The following HTR1F variants were observed in gnomAD, a reference collection of about 807,000 sequenced individuals.
HTR1F encodes the protein 5-hydroxytryptamine (serotonin) receptor 1F, G protein-coupled.
HTR1F carries 17 observed loss-of-function variants against 24.0 expected under a neutral mutation model. The ratio of observed to expected loss-of-function variants is 0.71; its 90% CI spans 0.48 to 1.06. The LOEUF is 1.06. Ranked by LOEUF, HTR1F falls within the 50% of genes least tolerant of loss-of-function variation. HTR1F has a pLI of 0.00. For missense variants in HTR1F, 391 were observed against 427.8 expected, an observed-to-expected ratio of 0.91 and a Z score of 0.76; for synonymous variants, 186 against 156.8, an observed-to-expected ratio of 1.19 and a Z score of -1.39.
intron 2 of HTR1F, among the ~76,000 whole-genome samples, chr3:87,978,716 G>A (rs1039737403): frequency 4.6e-5 from 7 of 151,416 alleles, no homozygotes; most frequent in African/African-American, 1.7e-4. Context: ...ATTTTTATAG[G>A]CTTCAGAAGG....
At chr3:87,864,897 A>AAAAAAAAAAG (rs1020731418) in intron 2 of HTR1F, among the ~76,000 whole-genome samples, 1 of 144,836 alleles carries the variant, frequency 6.9e-6, no homozygotes, top group African/African-American at 2.8e-5. Context: ...ATCTCAAAAA[A>AAAAAAAAAAG]AAAAAAAAAG....
At chr3:87,900,552 A>T (rs1706298332) in intron 2 of HTR1F, among the ~76,000 whole-genome samples, 1 of 152,188 alleles carries the variant, frequency 6.6e-6, no homozygotes, top group African/African-American at 2.4e-5. Context: ...GAAGGTGGTA[A>T]GGGTAGAAGC....
chr3:87,981,532 T>C (rs1705544534), intron 2 of HTR1F, among the ~76,000 whole-genome samples: 1 of 152,182 alleles, frequency 6.6e-6, no homozygotes, highest in South Asian at 2.1e-4. Context: ...TGGTAGTCTC[T>C]TAATTAATTG....
intron 2 of HTR1F, among the ~76,000 whole-genome samples, chr3:87,855,342 A>T (rs569987347): frequency 4.6e-5 from 7 of 152,140 alleles, no homozygotes; most frequent in African/African-American, 9.6e-5. Context: ...CCTCTTCCTG[A>T]TAATCCAGGG....
chr3:87,958,008 T>C (rs1363699507), intron 2 of HTR1F, among the ~76,000 whole-genome samples: 1 of 151,390 alleles, frequency 6.6e-6, no homozygotes, highest in African/African-American at 2.4e-5. Flanking sequence ...ATTTATAATA[T>C]AAAAATAAGC....
chr3:87,951,023 A>G (rs1704822220), intron 2 of HTR1F, among the ~76,000 whole-genome samples: 1 of 152,088 alleles, frequency 6.6e-6, no homozygotes, highest in Admixed American at 6.6e-5. Flanking sequence ...TCATCCTGGT[A>G]TCTGCAACTT....
At chr3:87,930,633 A>C (rs974482376) in intron 2 of HTR1F, among the ~76,000 whole-genome samples, 9 of 152,134 alleles carry the variant, frequency 5.9e-5, no homozygotes, top group Non-Finnish European at 8.8e-5. Flanking sequence ...CCTGGGGTGA[A>C]GTCTACTTGA....
chr3:87,932,815 T>A (rs956506396), intron 2 of HTR1F, among the ~76,000 whole-genome samples: 15 of 151,716 alleles, frequency 9.9e-5, no homozygotes, highest in African/African-American at 3.6e-4. Flanking sequence ...GCTATTCCAA[T>A]CAATAGAAAA....
chr3:87,807,840 A>T (rs1704098313), intron 1 of HTR1F, among the ~76,000 whole-genome samples: 1 of 151,930 alleles, frequency 6.6e-6, no homozygotes, highest in East Asian at 1.9e-4. Flanking sequence ...AGGATGATGA[A>T]TTTTATTAAA....
At chr3:87,804,533 A>G (rs1218634677) in intron 1 of HTR1F, among the ~76,000 whole-genome samples, 1 of 152,134 alleles carries the variant, frequency 6.6e-6, no homozygotes, top group Non-Finnish European at 1.5e-5. Context: ...ATATATCTCA[A>G]TTCTTGATTT....
chr3:87,881,920 G>A (rs1467408032), intron 2 of HTR1F, among the ~76,000 whole-genome samples: 1 of 152,076 alleles, frequency 6.6e-6, no homozygotes, highest in Non-Finnish European at 1.5e-5. Flanking sequence ...GAGTGAACAG[G>A]CAACCCACAA....
chr3:87,794,013 A>G (rs911839342), intron 1 of HTR1F, among the ~76,000 whole-genome samples: 1 of 152,050 alleles, frequency 6.6e-6, no homozygotes, highest in Non-Finnish European at 1.5e-5. Context: ...AACAGTACAA[A>G]TTTTAAAACG....
chr3:87,830,044 A>G (rs1440262188), intron 2 of HTR1F, among the ~76,000 whole-genome samples: 1 of 152,214 alleles, frequency 6.6e-6, no homozygotes. Flanking sequence ...TACAAAATAA[A>G]TTGAATCCTA....
intron 2 of HTR1F, among the ~76,000 whole-genome samples, chr3:87,930,480 GT>G (rs1361696796): frequency 6.6e-6 from 1 of 152,186 alleles, no homozygotes; most frequent in Non-Finnish European, 1.5e-5. Context: ...TCTATTGAGA[GT>G]TTTTAATGTG....
At chr3:87,943,710 T>C (rs2107445414) in intron 2 of HTR1F, among the ~76,000 whole-genome samples, 1 of 152,332 alleles carries the variant, frequency 6.6e-6, no homozygotes, top group East Asian at 1.9e-4. Flanking sequence ...CTTCAATCCA[T>C]TTGCCTTCTT....
intron 2 of HTR1F, among the ~76,000 whole-genome samples, chr3:87,914,460 C>G (rs1181139734): frequency 6.6e-6 from 1 of 152,106 alleles, no homozygotes; most frequent in Non-Finnish European, 1.5e-5. Flanking sequence ...AGTTCTCAAA[C>G]CCTGCTCACA....
intron 2 of HTR1F, among the ~76,000 whole-genome samples, chr3:87,824,927 C>G (rs1431684873): frequency 6.6e-6 from 1 of 152,064 alleles, no homozygotes; most frequent in Non-Finnish European, 1.5e-5. Flanking sequence ...TCCAGCCACC[C>G]CTCTCTAGCT....
chr3:87,905,949 G>T (rs1016049645), intron 2 of HTR1F, among the ~76,000 whole-genome samples: 7 of 152,010 alleles, frequency 4.6e-5, no homozygotes, highest in Non-Finnish European at 7.4e-5. Flanking sequence ...GAAGGCAACT[G>T]GGATCAGGAA....
intron 2 of HTR1F, among the ~76,000 whole-genome samples, chr3:87,849,302 C>T (rs971879538): frequency 2.0e-5 from 3 of 151,560 alleles, no homozygotes; most frequent in East Asian, 1.9e-4. Context: ...GAAATAATGC[C>T]GCATATCTAC....
Sources: gnomAD v4.1 joint callset for allele counts (sites outside exome capture counted in the v4.1 genomes callset) on GRCh38, gnomAD v4.1.1 for gene constraint, MANE v1.5 for transcripts, NCBI Gene and HGNC (gene_info 2026-07-23, HGNC 2026-07-21) for gene names.